The following TTC28 variants were observed in gnomAD, a reference collection of about 807,000 sequenced individuals.
The protein encoded by TTC28 is tetratricopeptide repeat protein 28.
Under a neutral mutation model 198.0 loss-of-function variants are expected in TTC28, and 61 were observed. The ratio of observed to expected loss-of-function variants is 0.31; its 90% CI spans 0.25 to 0.38. TTC28 has a LOEUF of 0.38. TTC28 is among the 10% of genes least tolerant of loss of function. The pLI, the probability that TTC28 is intolerant of heterozygous loss-of-function variation, is 1.00. For synonymous variants in TTC28, 1,171 were observed against 1,297.8 expected (o/e 0.90, Z 2.10); for missense variants, 2,678 against 3,164.0 (o/e 0.85, Z 3.69).
chr22:28,015,738 T>TC (rs1938345029), intron 13 of TTC28, among the ~76,000 whole-genome samples: 1 of 152,024 alleles, frequency 6.6e-6, no homozygotes. Flanking sequence ...CAGTGATCTC[T>TC]TAACCTCGAT....
At chr22:28,471,407 A>G (rs2048095038) in intron 2 of TTC28, among the ~76,000 whole-genome samples, 1 of 152,198 alleles carries the variant, frequency 6.6e-6, no homozygotes, top group Non-Finnish European at 1.5e-5. Context: ...TCAGAAATAA[A>G]GATATAATTT....
intron 2 of TTC28, among the ~76,000 whole-genome samples, chr22:28,619,650 T>C (rs889099911): frequency 1.3e-5 from 2 of 152,232 alleles, no homozygotes; most frequent in African/African-American, 2.4e-5. Context: ...AAATTATGCA[T>C]AGATTTCAAA....
intron 6 of TTC28, among the ~76,000 whole-genome samples, chr22:28,135,087 T>G (rs980413859): frequency 1.3e-5 from 2 of 152,196 alleles, no homozygotes; most frequent in Non-Finnish European, 2.9e-5. Flanking sequence ...TAGGTATTTT[T>G]GATATTATGC....
intron 5 of TTC28, among the ~76,000 whole-genome samples, chr22:28,167,510 G>A (rs558387645): frequency 1.3e-5 from 2 of 152,236 alleles, no homozygotes; most frequent in African/African-American, 4.8e-5. Flanking sequence ...TGCAAGGCTG[G>A]TTCAACATAC....
intron 2 of TTC28, among the ~76,000 whole-genome samples, chr22:28,384,588 T>C (rs2046545932): frequency 6.6e-6 from 1 of 152,234 alleles, no homozygotes; most frequent in African/African-American, 2.4e-5. Flanking sequence ...ATGCATTCAA[T>C]ACGTGGTGAT....
At chr22:28,510,713 A>G (rs1422876505) in intron 2 of TTC28, among the ~76,000 whole-genome samples, 1 of 152,160 alleles carries the variant, frequency 6.6e-6, no homozygotes, top group African/African-American at 2.4e-5. Context: ...AAGAAGTCAA[A>G]TTATCTTCGT....
At chr22:28,032,358 T>G (rs1189271740) in intron 12 of TTC28, among the ~76,000 whole-genome samples, 2 of 149,086 alleles carry the variant, frequency 1.3e-5, no homozygotes, top group African/African-American at 5.0e-5. Flanking sequence ...AAAACCCAGA[T>G]AAAAACATCT....
intron 2 of TTC28, among the ~76,000 whole-genome samples, chr22:28,433,851 A>G: frequency 6.6e-6 from 1 of 152,228 alleles, no homozygotes; most frequent in East Asian, 1.9e-4. Flanking sequence ...AAAATCAGAA[A>G]AGGGGAAACT....
At chr22:28,009,118 C>T (rs904970913) in intron 14 of TTC28, among the ~76,000 whole-genome samples, 3 of 152,194 alleles carry the variant, frequency 2.0e-5, no homozygotes, top group African/African-American at 7.2e-5. Flanking sequence ...GCAAATGCAA[C>T]CGGGCCCTCC....
chr22:28,234,537 T>A (rs1034356093), intron 5 of TTC28, among the ~76,000 whole-genome samples: 12 of 150,608 alleles, frequency 8.0e-5, no homozygotes, highest in African/African-American at 2.9e-4. Flanking sequence ...CACACCCAGC[T>A]AATTTATGTA....
chr22:28,477,900 T>C (rs116105523), intron 2 of TTC28, among the ~76,000 whole-genome samples: 17 of 152,280 alleles, frequency 1.1e-4, no homozygotes, highest in Admixed American at 3.9e-4. Flanking sequence ...GTCAGTCCAA[T>C]TGAAGCCCAA....
chr22:28,116,611 G>C (rs1348596719), intron 6 of TTC28, among the ~76,000 whole-genome samples: 1 of 152,168 alleles, frequency 6.6e-6, no homozygotes, highest in African/African-American at 2.4e-5. Context: ...AGAGGTGGGA[G>C]GCAGCCTCAC....
intron 2 of TTC28, among the ~76,000 whole-genome samples, chr22:28,561,552 GCAGTAGGTATTTAATAGATATAATGT>G (rs1262382962): frequency 6.6e-6 from 1 of 152,194 alleles, no homozygotes; most frequent in Non-Finnish European, 1.5e-5. Flanking sequence ...CACTTGACAT[GCAGTAGGTATTTAATAGATATAATGT>G]CATTCCCCTG....
At chr22:28,572,366 T>C (rs1318616375) in intron 2 of TTC28, among the ~76,000 whole-genome samples, 2 of 152,122 alleles carry the variant, frequency 1.3e-5, no homozygotes, top group Non-Finnish European at 2.9e-5. Flanking sequence ...CATGACAGCA[T>C]TGTTCGTAAT....
At chr22:28,609,555 T>C (rs769615136) in intron 2 of TTC28, among the ~76,000 whole-genome samples, 1 of 152,206 alleles carries the variant, frequency 6.6e-6, no homozygotes, top group Non-Finnish European at 1.5e-5. Context: ...GATACTGCAC[T>C]TTCCTCATGG....
chr22:28,537,679 T>C (rs2049325344), intron 2 of TTC28, among the ~76,000 whole-genome samples: 1 of 152,202 alleles, frequency 6.6e-6, no homozygotes, highest in Non-Finnish European at 1.5e-5. Flanking sequence ...AAAGTAAATT[T>C]AAATTTTACA....
intron 2 of TTC28, among the ~76,000 whole-genome samples, chr22:28,417,423 T>C (rs919073377): frequency 2.0e-5 from 3 of 150,828 alleles, no homozygotes; most frequent in African/African-American, 7.3e-5. Flanking sequence ...TACAGTGAGC[T>C]ATGACCATAT....
At chr22:28,339,038 A>AC (rs2045782770) in intron 2 of TTC28, among the ~76,000 whole-genome samples, 1 of 152,032 alleles carries the variant, frequency 6.6e-6, no homozygotes, top group Non-Finnish European at 1.5e-5. Context: ...ATGCTGATGT[A>AC]CAGATGGGGT....
chr22:28,222,595 C>G (rs964260934), intron 5 of TTC28, among the ~76,000 whole-genome samples: 3 of 152,222 alleles, frequency 2.0e-5, no homozygotes, highest in Non-Finnish European at 2.9e-5. Context: ...ATTACTACTT[C>G]TGAGGCTGGC....
Sources: allele counts gnomAD v4.1 joint callset (sites outside exome capture counted in the v4.1 genomes callset), GRCh38; gene constraint gnomAD v4.1.1; transcripts MANE v1.5; gene names NCBI Gene and HGNC (gene_info 2026-07-23, HGNC 2026-07-21).